PCDH15: variants seen among roughly 807,000 people sequenced by gnomAD.
The protein encoded by PCDH15 is protocadherin-15.
PCDH15 carries 129 observed loss-of-function variants against 178.5 expected under a neutral mutation model. The observed-to-expected ratio is 0.72, with a 90% CI of 0.63 to 0.84. The LOEUF is 0.84. Ranked by LOEUF, PCDH15 falls within the 40% of genes least tolerant of loss-of-function variation. The pLI is 0.00. For missense variants in PCDH15, 2,230 were observed against 2,099.9 expected, an observed-to-expected ratio of 1.06 and a Z score of -1.21; for synonymous variants, 800 against 732.0, an observed-to-expected ratio of 1.09 and a Z score of -1.50.
At chr10:54,196,937 G>A (rs939800553) in intron 10 of PCDH15, among the ~76,000 whole-genome samples, 1 of 152,136 alleles carries the variant, frequency 6.6e-6, no homozygotes, top group African/African-American at 2.4e-5. Flanking sequence ...AGAAATAAAT[G>A]TTCCTTGTTT....
chr10:53,872,259 G>A (rs866803720), intron 26 of PCDH15, among the ~76,000 whole-genome samples: 66 of 152,144 alleles, frequency 4.3e-4, no homozygotes, highest in African/African-American at 1.4e-3. Context: ...GTCTTTGAAC[G>A]ACCTCACTGC....
intron 3 of PCDH15, among the ~76,000 whole-genome samples, chr10:54,855,382 G>C (rs1028571104): frequency 6.6e-6 from 1 of 152,304 alleles, no homozygotes; most frequent in Admixed American, 6.5e-5. Flanking sequence ...GGCAGCTGCA[G>C]AGGCACCTGG....
At chr10:54,399,774 G>C (rs1036566450) in intron 3 of PCDH15, among the ~76,000 whole-genome samples, 2 of 152,014 alleles carry the variant, frequency 1.3e-5, no homozygotes, top group Non-Finnish European at 1.5e-5. Flanking sequence ...CACATCCGCG[G>C]GAACAGCAAA....
intron 3 of PCDH15, among the ~76,000 whole-genome samples, chr10:54,869,587 A>G (rs1953998856): frequency 6.6e-6 from 1 of 152,206 alleles, no homozygotes; most frequent in Non-Finnish European, 1.5e-5. Context: ...CAAGTTGTTT[A>G]TCCAATTCAA....
intron 3 of PCDH15, among the ~76,000 whole-genome samples, chr10:54,511,909 T>TTCAA (rs2081710719): frequency 6.6e-6 from 1 of 152,048 alleles, no homozygotes; most frequent in Non-Finnish European, 1.5e-5. Flanking sequence ...TCAAATGAAC[T>TTCAA]TTGAAGCCCA....
At chr10:54,921,008 T>A (rs1028788426) in intron 2 of PCDH15, among the ~76,000 whole-genome samples, 2 of 152,310 alleles carry the variant, frequency 1.3e-5, no homozygotes, top group East Asian at 3.9e-4. Context: ...CATGAGTGGG[T>A]CTGTGGCATT....
At chr10:55,393,867 C>A (rs145453048) in intron 2 of PCDH15, among the ~76,000 whole-genome samples, 1 of 152,078 alleles carries the variant, frequency 6.6e-6, no homozygotes, top group Non-Finnish European at 1.5e-5. Context: ...AAAGTAAGAG[C>A]CAAATGCCAC....
chr10:54,014,866 C>G (rs926322929), intron 20 of PCDH15, among the ~76,000 whole-genome samples: 1 of 152,088 alleles, frequency 6.6e-6, no homozygotes, highest in Non-Finnish European at 1.5e-5. Flanking sequence ...TAAGGATGTC[C>G]TCTCTTATTG....
intron 3 of PCDH15, among the ~76,000 whole-genome samples, chr10:54,495,407 AAG>A (rs1158901408): frequency 6.6e-6 from 1 of 152,182 alleles, no homozygotes; most frequent in African/African-American, 2.4e-5. Context: ...CTCCTTTATT[AAG>A]AGATTGTTGT....
intron 3 of PCDH15, among the ~76,000 whole-genome samples, chr10:54,861,611 T>C (rs925632389): frequency 2.3e-4 from 35 of 152,174 alleles, no homozygotes; most frequent in Admixed American, 2.0e-4. Context: ...GAGAAAAGTT[T>C]AAAGTATTCC....
intron 1 of PCDH15, among the ~76,000 whole-genome samples, chr10:55,194,505 G>A (rs553865762): frequency 6.6e-6 from 1 of 152,074 alleles, no homozygotes; most frequent in Non-Finnish European, 1.5e-5. Flanking sequence ...TGGTGATAGA[G>A]TCATGAAATA....
chr10:54,470,028 A>T (rs1187712235), intron 3 of PCDH15, among the ~76,000 whole-genome samples: 2 of 152,028 alleles, frequency 1.3e-5, no homozygotes, highest in Non-Finnish European at 1.5e-5. Flanking sequence ...TGCACTCAGG[A>T]GGGTAGAGCT....
intron 2 of PCDH15, among the ~76,000 whole-genome samples, chr10:54,661,795 A>C (rs2094497033): frequency 6.6e-6 from 1 of 151,948 alleles, no homozygotes; most frequent in African/African-American, 2.4e-5. Flanking sequence ...GACAAAATTA[A>C]ACATTGGGGA....
intron 18 of PCDH15, among the ~76,000 whole-genome samples, chr10:54,027,565 A>C (rs11815238): frequency 0.54 from 78,295 of 144,606 alleles, 21,400 homozygotes; most frequent in Middle Eastern, 0.7. Context: ...AGTAACCAAA[A>C]CAGCATGGTA....
intron 3 of PCDH15, among the ~76,000 whole-genome samples, chr10:54,436,963 C>T (rs867948597): frequency 3.9e-5 from 6 of 152,062 alleles, no homozygotes; most frequent in East Asian, 3.9e-4. Context: ...CATAGAGAAC[C>T]GTTATTAAAA....
chr10:54,821,135 TG>T (rs1953031917), intron 3 of PCDH15, among the ~76,000 whole-genome samples: 1 of 152,066 alleles, frequency 6.6e-6, no homozygotes, highest in Non-Finnish European at 1.5e-5. Context: ...GCTTTCCAGT[TG>T]AGGAAATAAA....
intron 1 of PCDH15, among the ~76,000 whole-genome samples, chr10:54,693,040 A>G (rs957659400): frequency 6.6e-6 from 1 of 151,338 alleles, no homozygotes; most frequent in African/African-American, 2.4e-5. Context: ...CTCATACCCT[A>G]CCCCGCAACA....
At chr10:55,426,848 G>T (rs904422895) in intron 2 of PCDH15, among the ~76,000 whole-genome samples, 1 of 152,120 alleles carries the variant, frequency 6.6e-6, no homozygotes, top group African/African-American at 2.4e-5. Context: ...CTTCTCCGAA[G>T]TTATGCCATC....
chr10:54,416,134 T>C (rs1457104038), intron 3 of PCDH15, among the ~76,000 whole-genome samples: 1 of 151,944 alleles, frequency 6.6e-6, no homozygotes, highest in East Asian at 1.9e-4. Context: ...AAGCTAAATA[T>C]ATATATACAC....
Sources: gnomAD v4.1 joint callset for allele counts (sites outside exome capture counted in the v4.1 genomes callset) on GRCh38, gnomAD v4.1.1 for gene constraint, MANE v1.5 for transcripts, NCBI Gene and HGNC (gene_info 2026-07-23, HGNC 2026-07-21) for gene names.